Variants in SIRT3 observed in about 807,000 individuals in gnomAD.
SIRT3 encodes sirtuin 3.
A neutral mutation model predicts 33.5 loss-of-function variants in SIRT3; 26 were observed. That is an observed-to-expected ratio of 0.78 (90% CI 0.57 to 1.08). SIRT3 has a LOEUF of 1.08. Ranked by LOEUF, SIRT3 falls within the 50% of genes least tolerant of loss-of-function variation. The probability of loss-of-function intolerance (pLI) is 0.00; values close to 1 mark genes in which losing one functional copy is unlikely to be tolerated. For synonymous variants in SIRT3, 237 were observed against 222.1 expected, an observed-to-expected ratio of 1.07 and a Z score of -0.60; for missense variants, 585 against 530.1, an observed-to-expected ratio of 1.10 and a Z score of -1.02.
In SIRT3 at chr11:216,523, C is replaced by A. The variant is rs199554991; in HGVS notation, c.*175G>T. 2 of 685,782 alleles carry A rather than the reference C, an allele frequency of 2.9e-6. No homozygotes were observed. The highest frequency in any genetic ancestry group is 3.6e-5 in the South Asian group (2 of 56,178). 42.5% of individuals were successfully genotyped at this position (685,782 alleles called of 1,614,324 possible). A position where few individuals can be genotyped will look rare whatever the true frequency, so the allele number is the denominator to read the frequency against. On this transcript the variant is annotated 3_prime_UTR_variant, in exon 7 of 7. Coordinates refer to ENST00000382743, the MANE Select transcript of SIRT3 (RefSeq NM_012239.6). ...GGCCCTGACTGTAAACACAGCCCTACCAGTCACTGCAGCTCATGGCCTGAG... is the reference window on the plus strand; with the variant it reads ...GGCCCTGACTGTAAACACAGCCCTAACAGTCACTGCAGCTCATGGCCTGAG...
chr11:236,439 C>A, upstream of SIRT3: 4 of 656,720 alleles, frequency 6.1e-6, no homozygotes, highest in Non-Finnish European at 7.5e-6. Context: ...CCGCCTACCG[C>A]CCCCGCCCCC....
At chr11:227,592 T>C (rs1857353435) in intron 4 of SIRT3, among the ~76,000 whole-genome samples, 1 of 152,110 alleles carries the variant, frequency 6.6e-6, no homozygotes, top group Admixed American at 6.6e-5. Context: ...AACATCAACC[T>C]GTTGCCCAAA....
chr11:216,591 T>A lies in SIRT3; in HGVS notation c.*107A>T. The A allele has an allele frequency of 7.9e-7, 1 of 1,262,690 alleles. No homozygotes were observed. The highest frequency in any genetic ancestry group is 1.7e-5 in the Admixed American group (1 of 58,724). The allele number at this position is 1,262,690 out of a possible 1,614,324, so 78.2% of individuals were successfully genotyped here. A position where few individuals can be genotyped will look rare whatever the true frequency, so the allele number is the denominator to read the frequency against. The stretch of plus-strand genomic sequence containing the variant: ...GCCTCGGGTGTCCACTCAGTTCACA[T>A]ATTCTGGTTTCACCTGCCCAAGCTG... On this transcript the variant is annotated 3_prime_UTR_variant, in exon 7 of 7. Coordinates refer to ENST00000382743, the MANE Select transcript of SIRT3 (RefSeq NM_012239.6).
intron 5 of SIRT3, among the ~76,000 whole-genome samples, chr11:220,100 C>T (rs986534568): frequency 1.3e-5 from 2 of 151,960 alleles, no homozygotes; most frequent in Admixed American, 6.6e-5. Context: ...GAGGCCGAGG[C>T]GGGCAGATCA....
intron 1 of SIRT3, among the ~76,000 whole-genome samples, chr11:234,503 C>A (rs371281304): frequency 6.6e-6 from 1 of 152,168 alleles, no homozygotes; most frequent in Admixed American, 6.5e-5. Context: ...CAAGCTCCGC[C>A]TCCCAGGTTC....
At chr11:224,269 A>C in intron 4 of SIRT3, 30 bp from the exon 5 acceptor site, 1 of 1,608,722 alleles carries the variant, frequency 6.2e-7, no homozygotes, top group Non-Finnish European at 8.5e-7. Context: ...GGCCTGAGGA[A>C]GATGCCTGCA....
chr11:222,135 A>C (rs1856520461), intron 5 of SIRT3, among the ~76,000 whole-genome samples: 1 of 152,092 alleles, frequency 6.6e-6, no homozygotes, highest in Non-Finnish European at 1.5e-5. Context: ...CACTGTGCTG[A>C]CCACCATGGC....
At chr11:216,929 G>A (rs1340965708) in intron 6 of SIRT3, among the ~76,000 whole-genome samples, 2 of 152,218 alleles carry the variant, frequency 1.3e-5, no homozygotes, top group African/African-American at 4.8e-5. Context: ...CTCATTCTAT[G>A]GGTCTTAAAG....
At chr11:217,794 T>C (rs578175660) in intron 6 of SIRT3, among the ~76,000 whole-genome samples, 7 of 152,234 alleles carry the variant, frequency 4.6e-5, no homozygotes, top group Non-Finnish European at 1.0e-4. Flanking sequence ...AACTGTGATA[T>C]ATTGTAGTTG....
At chr11:229,593 T>C (rs1253972621) in intron 4 of SIRT3, among the ~76,000 whole-genome samples, 1 of 151,538 alleles carries the variant, frequency 6.6e-6, no homozygotes, top group Non-Finnish European at 1.5e-5. Context: ...CCATCTCTAC[T>C]AGAAATACAA....
At chr11:217,143 GC>G (rs1376062086) in intron 6 of SIRT3, among the ~76,000 whole-genome samples, 3 of 152,160 alleles carry the variant, frequency 2.0e-5, no homozygotes. Flanking sequence ...GTTACAATCT[GC>G]TTTTCTATGA....
At chr11:221,523 G>A (rs553608151) in intron 5 of SIRT3, among the ~76,000 whole-genome samples, 3 of 152,328 alleles carry the variant, frequency 2.0e-5, no homozygotes, top group East Asian at 3.8e-4. Flanking sequence ...TAAAGCTCTT[G>A]TGGCTGAATA....
intron 3 of SIRT3, among the ~76,000 whole-genome samples, chr11:231,024 C>T (rs1448969107): frequency 6.6e-6 from 1 of 151,564 alleles, no homozygotes; most frequent in East Asian, 1.9e-4. Flanking sequence ...CTCGGGGAGG[C>T]TGAGACAGGA....
At position 216,729 on chromosome 11, in the gene SIRT3, G is replaced by A; in HGVS notation, c.1180-11C>T. The A allele has an allele frequency of 6.2e-7, 1 of 1,614,148 alleles. No individual in the cohort carries two copies. Among genetic ancestry groups the A allele is most frequent in the Non-Finnish European group, 8.5e-7 (1 of 1,179,966 alleles). On this transcript the variant is annotated splice_polypyrimidine_tract_variant and intron_variant, in intron 6 of 6. Coordinates refer to ENST00000382743, the MANE Select transcript of SIRT3 (RefSeq NM_012239.6). ...GTCTGGTCCATCAAGCTGGAATACA[G>A]AAGACAGAGGGTATCAGCTATCTGT...
At chr11:230,890 G>A (rs1336864957) in intron 3 of SIRT3, among the ~76,000 whole-genome samples, 3 of 152,156 alleles carry the variant, frequency 2.0e-5, no homozygotes, top group African/African-American at 7.2e-5. Context: ...TTGGGAGGCC[G>A]AGGTGGGCAG....
In SIRT3 at chr11:225,556, C is replaced by T. The variant is rs190230219; in HGVS notation, c.808-1317G>A. The T allele has an allele frequency of 7.2e-5, 11 of 152,140 alleles. No individual in the cohort carries two copies. In the East Asian group the frequency reaches 2.1e-3, roughly 29 times the overall value. The allele number at this position is 152,140 out of a possible 1,614,324, so 9.4% of individuals were successfully genotyped here. The stretch of plus-strand genomic sequence containing the variant: ...AAAAGTACAGGAACCAAAATTAAAA[C>T]TCAATGTCTGTTTTGAGTTGCTGTT... On this transcript the variant is annotated intron_variant, in intron 4 of 6. Coordinates refer to ENST00000382743, the MANE Select transcript of SIRT3 (RefSeq NM_012239.6).
intron 1 of SIRT3, 155 bp from the exon 2 acceptor site, chr11:233,689 G>A: frequency 2.9e-6 from 2 of 678,418 alleles, no homozygotes; most frequent in South Asian, 4.1e-5. Context: ...TTTCTTAGAC[G>A]ACTATTGGGG....
At chr11:229,557 AG>A (rs1365304568) in intron 4 of SIRT3, among the ~76,000 whole-genome samples, 1 of 151,242 alleles carries the variant, frequency 6.6e-6, no homozygotes, top group East Asian at 2.0e-4. Flanking sequence ...GGAATGCAAG[AG>A]CAGCCTGGCC....
chr11:230,576 T>C (rs766225018), intron 3 of SIRT3, 24 bp from the exon 4 acceptor site: 10 of 1,467,392 alleles, frequency 6.8e-6, no homozygotes, highest in East Asian at 5.3e-5. Flanking sequence ...CAAAGCGAAG[T>C]GTTGCTGCCG....
Sources: allele counts gnomAD v4.1 joint callset (sites outside exome capture counted in the v4.1 genomes callset), GRCh38; gene constraint gnomAD v4.1.1; transcripts MANE v1.5; gene names NCBI Gene and HGNC (gene_info 2026-07-23, HGNC 2026-07-21).